RNF128: variants seen among roughly 807,000 people sequenced by gnomAD.
RNF128 encodes ring finger protein 128, also known as E3 ubiquitin-protein ligase RNF128.
In RNF128, 13 loss-of-function variants were observed where a neutral mutation model predicts 26.2. That is an observed-to-expected ratio of 0.50 (90% CI 0.32 to 0.79). RNF128 has a LOEUF of 0.79. Among genes scored for constraint, RNF128 ranks in the 30% least tolerant of loss-of-function variants. The pLI, the probability that RNF128 is intolerant of heterozygous loss-of-function variation, is 0.03. For missense variants in RNF128, 315 were observed against 349.7 expected, an observed-to-expected ratio of 0.90 and a Z score of 0.79; for synonymous variants, 149 against 142.5, an observed-to-expected ratio of 1.05 and a Z score of -0.32.
chrX:106,727,768 C>T (rs1929431584), intron 1 of RNF128, among the ~76,000 whole-genome samples: 2 of 111,232 alleles, frequency 1.8e-5, no homozygotes, highest in Admixed American at 1.9e-4. Context: ...AAATCTCTTC[C>T]TCACTCTGCT....
intron 1 of RNF128, among the ~76,000 whole-genome samples, chrX:106,766,596 T>A (rs1007102339): frequency 7.2e-4 from 81 of 112,463 alleles, no homozygotes; most frequent in African/African-American, 2.6e-3. Flanking sequence ...TCAAGTTCAT[T>A]GTAGATTCTG....
rs777952973 is a variant in RNF128, at chrX:106,746,147, T to A, written c.484+18750T>A. On this transcript the variant is annotated intron_variant, in intron 1 of 6. Coordinates refer to ENST00000255499, the MANE Select transcript of RNF128 (RefSeq NM_194463.2). ...TATTATCAGGATGTTTGGACAGTAT[T>A]GAATGTAGTTTTATAAGAAGAACTA... is the stretch of plus-strand genomic sequence containing the variant. Among the ~76,000 whole-genome samples, 3 of 111,243 alleles carry A rather than the reference T, an allele frequency of 2.7e-5. No homozygotes were observed. In the South Asian group the frequency reaches 1.1e-3, roughly 42 times the overall value.
chrX:106,766,552 G>C (rs189618048), intron 1 of RNF128, among the ~76,000 whole-genome samples: 1 of 112,157 alleles, frequency 8.9e-6, no homozygotes, highest in East Asian at 2.8e-4. Flanking sequence ...CCCACTTTTT[G>C]ATAGGGTTGT....
intron 1 of RNF128, among the ~76,000 whole-genome samples, chrX:106,721,263 C>T (rs947160336): frequency 8.9e-5 from 10 of 111,950 alleles, no homozygotes; most frequent in Non-Finnish European, 1.1e-4. Flanking sequence ...CCTATGTTGT[C>T]GAGCTGTGTA....
intron 1 of RNF128, among the ~76,000 whole-genome samples, chrX:106,768,501 G>A (rs777268562): frequency 2.1e-4 from 24 of 111,762 alleles, no homozygotes; most frequent in African/African-American, 3.2e-4. Context: ...GTTTATTTGC[G>A]TAGAGGGGTT....
intron 1 of RNF128, among the ~76,000 whole-genome samples, chrX:106,755,858 C>G (rs1172677361): frequency 9.1e-6 from 1 of 110,474 alleles, no homozygotes; most frequent in Non-Finnish European, 1.9e-5. Flanking sequence ...CCCAAAATCT[C>G]CTTAAGCTGA....
intron 1 of RNF128, among the ~76,000 whole-genome samples, chrX:106,756,468 C>G (rs1290894920): frequency 1.6e-3 from 173 of 107,100 alleles, no homozygotes; most frequent in African/African-American, 6.0e-3. Flanking sequence ...ACAAACCTGA[C>G]AAAAACAAGC....
intron 1 of RNF128, among the ~76,000 whole-genome samples, chrX:106,762,962 A>G (rs1333891114): frequency 9.2e-6 from 1 of 109,255 alleles, no homozygotes; most frequent in African/African-American, 3.3e-5. Context: ...CCCCTGTGAC[A>G]CACAGTTTGC....
chrX:106,731,821 AT>A (rs1469458590), intron 1 of RNF128, among the ~76,000 whole-genome samples: 16 of 111,456 alleles, frequency 1.4e-4, no homozygotes, highest in Non-Finnish European at 3.0e-4. Flanking sequence ...CTTGCTTTCA[AT>A]ACCCTGCTTT....
At chrX:106,753,509 C>T (rs1426466619) in intron 1 of RNF128, among the ~76,000 whole-genome samples, 1 of 110,750 alleles carries the variant, frequency 9.0e-6, no homozygotes, top group East Asian at 2.8e-4. Context: ...CCACCAGAGA[C>T]AATCACCTTC....
At position 106,730,956 on chromosome X, in the gene RNF128, A is replaced by T. The variant is rs761043369; in HGVS notation, c.484+3559A>T. ...ATTAGTTAAGAGGTTGTGCTCTGCC[A>T]ATTAGTATTTTTTAAATCTTAGGCC... On this transcript the variant is annotated intron_variant, in intron 1 of 6. Transcript: ENST00000255499. 1.5e-4 allele frequency among the ~76,000 whole-genome samples: 17 copies of T among 111,658 alleles called. No individual in the cohort carries two copies. In the East Asian group the frequency reaches 4.0e-3, roughly 26 times the overall value.
rs1212886164 is a variant in RNF128 at position 106,759,173 on chromosome X, A to G, written c.485-13740A>G. 3.6e-5 allele frequency among the ~76,000 whole-genome samples: 4 copies of G among 112,216 alleles called. No individual in the cohort carries two copies. In the Admixed American group the frequency reaches 3.8e-4, roughly 11 times the overall value. On this transcript the variant is annotated intron_variant, in intron 1 of 6. Coordinates refer to ENST00000255499, the MANE Select transcript of RNF128 (RefSeq NM_194463.2). ...GAAGACATACAAAAGGCAAACAGGT[A>G]TATGAAAAGATGCTCAACATAATTG... is the stretch of plus-strand genomic sequence containing the variant.
chrX:106,704,499 C>T (rs1215551031), intron 1 of RNF128, among the ~76,000 whole-genome samples: 2 of 106,659 alleles, frequency 1.9e-5, no homozygotes, highest in Admixed American at 1.0e-4. Flanking sequence ...AGTGAAGAGA[C>T]TCCTATTCCT....
chrX:106,759,233 T>C (rs1930078998), intron 1 of RNF128, among the ~76,000 whole-genome samples: 1 of 111,539 alleles, frequency 9.0e-6, no homozygotes. Context: ...TACAATGAGA[T>C]ATTATCTCAT....
In RNF128 at chrX:106,766,346, T is replaced by C. The variant is rs185538499; in HGVS notation, c.485-6567T>C. 4.5e-5 allele frequency among the ~76,000 whole-genome samples: 5 copies of C among 112,230 alleles called. No individual in the cohort carries two copies. The East Asian group carries it at 1.4e-3, about 32-fold the overall frequency. On this transcript the variant is annotated intron_variant, in intron 1 of 6. Coordinates refer to ENST00000255499, the MANE Select transcript of RNF128 (RefSeq NM_194463.2). ...CACTCCCACCAACAGTTAAAGGAGT[T>C]CCTATTTCTCCACATCCTCTCCAGT... is the stretch of plus-strand genomic sequence containing the variant.
In RNF128 at chrX:106,772,987, A is replaced by G. The variant is rs982920202; in HGVS notation, c.559A>G (p.Ile187Val). The change falls in exon 2 of 7, where the codon ATA becomes GTA. Residue 187 changes from isoleucine (I) to valine (V), a missense_variant. Ile to Val is a conservative substitution (Grantham distance 29). Coordinates refer to ENST00000255499, the MANE Select transcript of RNF128 (RefSeq NM_194463.2). ...AATTCTGCAATCTATTCAAAGAGGC[A>G]TACAAGTGACAATGGTCATAGAAGT... ...TKILQSIQRG[I>V]QVTMVIEVGK... 5 of 1,209,598 alleles carry G rather than the reference A, an allele frequency of 4.1e-6. No homozygotes were observed. The highest frequency in any genetic ancestry group is 4.5e-6 in the Non-Finnish European group (4 of 894,883).
At chrX:106,770,875 A>G (rs915502175) in intron 1 of RNF128, among the ~76,000 whole-genome samples, 41 of 111,521 alleles carry the variant, frequency 3.7e-4, no homozygotes, top group African/African-American at 1.3e-3. Context: ...GTTTCTCCCC[A>G]TTTTTGTGGT....
chrX:106,741,350 G>A (rs1403963759), intron 1 of RNF128, among the ~76,000 whole-genome samples: 1 of 111,400 alleles, frequency 9.0e-6, no homozygotes, highest in Admixed American at 9.6e-5. Context: ...GGATGACTGT[G>A]TTTTAACTTG....
At chrX:106,702,582 G>A (rs1349897373) in intron 1 of RNF128, among the ~76,000 whole-genome samples, 1 of 111,607 alleles carries the variant, frequency 9.0e-6, no homozygotes, top group East Asian at 2.8e-4. Context: ...TTCATTCGAA[G>A]AGTACATTCC....
Sources: allele counts gnomAD v4.1 joint callset (sites outside exome capture counted in the v4.1 genomes callset), GRCh38; gene constraint gnomAD v4.1.1; transcripts MANE v1.5; gene names NCBI Gene and HGNC (gene_info 2026-07-23, HGNC 2026-07-21).